The following DRGX variants were observed in gnomAD, a reference collection of about 807,000 sequenced individuals.
DRGX encodes dorsal root ganglia homeobox protein.
A neutral mutation model predicts 28.6 loss-of-function variants in DRGX; 21 were observed. The observed-to-expected ratio is 0.73, with a 90% CI of 0.52 to 1.06. The LOEUF is 1.06. DRGX is among the 50% of genes least tolerant of loss of function. DRGX has a pLI of 0.00. For synonymous variants in DRGX, 136 were observed against 139.1 expected (o/e 0.98, Z 0.16); for missense variants, 354 against 343.9 (o/e 1.03, Z -0.23).
Position 49,390,193 on chromosome 10 carries a change from T to C in DRGX, c.174A>G (p.Pro58=). ...CGAGCTCTTCTCTGGTGAAGACATCTGGATAGTGTGTTTGGGCAAAAACGG... is the reference window on the plus strand; with the variant it reads ...CGAGCTCTTCTCTGGTGAAGACATCCGGATAGTGTGTTTGGGCAAAAACGG... ...LEAVFAQTHY[P]DVFTREELAM... is the part of the protein sequence containing the mutation. Residue 58 remains proline (P), a synonymous_variant, in exon 4 of 7, where the codon CCA becomes CCG. Coordinates refer to ENST00000374139, the MANE Select transcript of DRGX (RefSeq NM_001276451.2). 6.2e-7 allele frequency: 1 copy of C among 1,613,186 alleles called. No homozygotes were observed. Among genetic ancestry groups the C allele is most frequent in the Non-Finnish European group, 8.5e-7 (1 of 1,179,600 alleles).
At chr10:49,395,314 G>T (rs1849955149) in intron 2 of DRGX, 93 bp downstream of exon 2, 2 of 1,488,832 alleles carry the variant, frequency 1.3e-6, no homozygotes, top group South Asian at 1.2e-5. Context: ...CCCGCAGGGC[G>T]GGGACCCAGC....
intron 6 of DRGX, among the ~76,000 whole-genome samples, chr10:49,379,883 G>A: frequency 6.6e-6 from 1 of 152,238 alleles, no homozygotes; most frequent in East Asian, 1.9e-4. Flanking sequence ...GATGGGGCCA[G>A]ACTCCAGCCT....
intron 3 of DRGX, among the ~76,000 whole-genome samples, 179 bp downstream of exon 3, chr10:49,390,985 C>A (rs1392829298): frequency 6.6e-6 from 1 of 152,126 alleles, no homozygotes; most frequent in Non-Finnish European, 1.5e-5. Context: ...ACAAGGTTAG[C>A]GTCATCTGCA....
intron 6 of DRGX, among the ~76,000 whole-genome samples, chr10:49,376,330 G>A (rs1028490787): frequency 1.1e-4 from 16 of 152,288 alleles, no homozygotes; most frequent in African/African-American, 3.8e-4. Flanking sequence ...CATGAGGAAC[G>A]ACCACTTCTG....
chr10:49,386,454 C>A (rs751049230), intron 6 of DRGX, 24 bp downstream of exon 6: 7 of 1,511,588 alleles, frequency 4.6e-6, no homozygotes, highest in Non-Finnish European at 6.2e-6. Context: ...CCACGCCCAC[C>A]AGCCCAGCCG....
intron 6 of DRGX, among the ~76,000 whole-genome samples, chr10:49,377,503 T>C (rs1191642634): frequency 1.3e-5 from 2 of 152,178 alleles, no homozygotes; most frequent in Non-Finnish European, 2.9e-5. Context: ...CTTTAATCAA[T>C]AGGATGCAGC....
At position 49,386,517 on chromosome 10, in the gene DRGX, T is replaced by C; in HGVS notation, c.487A>G (p.Thr163Ala). The change falls in exon 6 of 7, where the codon ACC becomes GCC. Residue 163 changes from threonine (T) to alanine (A), a missense_variant. Coordinates refer to ENST00000374139, the MANE Select transcript of DRGX (RefSeq NM_001276451.2). ...ACATGGGACAAGGCCTGGGCGTAGG[T>C]GGCCGTGTTCAGGAGAGTCCCCGGC... ...CLPGTLLNTA[T>A]YAQALSHVAS... The C allele has an allele frequency of 1.3e-6, 2 of 1,587,936 alleles. No homozygotes were observed. Among genetic ancestry groups the C allele is most frequent in the Non-Finnish European group, 1.7e-6 (2 of 1,167,262 alleles).
At chr10:49,371,252 A>T (rs755847376) in intron 6 of DRGX, among the ~76,000 whole-genome samples, 9 of 152,244 alleles carry the variant, frequency 5.9e-5, no homozygotes, top group Non-Finnish European at 1.2e-4. Context: ...AACTTGAAAT[A>T]ACATGATGGA....
chr10:49,392,128 T>C (rs558810745), intron 2 of DRGX, among the ~76,000 whole-genome samples: 2 of 152,380 alleles, frequency 1.3e-5, no homozygotes, highest in African/African-American at 4.8e-5. Context: ...ATTTACTTGA[T>C]AGTCCACAAT....
intron 6 of DRGX, among the ~76,000 whole-genome samples, chr10:49,378,961 G>C (rs538865167): frequency 6.6e-6 from 1 of 152,266 alleles, no homozygotes; most frequent in East Asian, 1.9e-4. Flanking sequence ...ACTATAGATT[G>C]AGCCTCCCAA....
Position 49,387,474 on chromosome 10 carries a change from C to A in DRGX, c.235-616G>T, listed in dbSNP as rs6537534. On this transcript the variant is annotated intron_variant, in intron 4 of 6. Coordinates refer to ENST00000374139, the MANE Select transcript of DRGX (RefSeq NM_001276451.2). ...GGGAGTTTGAGACCAGCCTGGCCAA[C>A]ATGATGAAACCCCATCTCTTTTTGT... Among the ~76,000 whole-genome samples, 338 of 152,194 alleles carry A rather than the reference C, an allele frequency of 2.2e-3. 1 individual carries two copies. The highest frequency in any genetic ancestry group is 7.6e-3 in the African/African-American group (317 of 41,510).
At chr10:49,373,633 A>G (rs1368132332) in intron 6 of DRGX, among the ~76,000 whole-genome samples, 1 of 152,332 alleles carries the variant, frequency 6.6e-6, no homozygotes, top group East Asian at 1.9e-4. Flanking sequence ...GCAACAAGAT[A>G]CCATCTATGA....
At position 49,366,336 on chromosome 10, in the gene DRGX, G is replaced by A. The variant is rs749937635; in HGVS notation, c.572C>T (p.Ser191Phe). The A allele has an allele frequency of 1.2e-6, 2 of 1,613,900 alleles. No homozygotes were observed. Among genetic ancestry groups the A allele is most frequent in the Non-Finnish European group, 1.7e-6 (2 of 1,179,820 alleles). The change falls in exon 7 of 7, where the codon TCC becomes TTC. Residue 191 changes from serine to phenylalanine, a missense_variant. Transcript: ENST00000374139. Reference sequence around the variant, plus strand: ...CTGGCAGCCATAGGTGGGAAGGAAGGAGAGTCCCATGGGGTCTGGGACGCA... The same window carrying A: ...CTGGCAGCCATAGGTGGGAAGGAAGAAGAGTCCCATGGGGTCTGGGACGCA... ...SCCVPDPMGL[S>F]FLPTYGCQSN...
chr10:49,369,774 AT>A (rs200767007), intron 6 of DRGX, among the ~76,000 whole-genome samples: 3,153 of 138,534 alleles, frequency 0.023, 80 homozygotes, highest in African/African-American at 0.078. Context: ...AGAAAATAAG[AT>A]TTTTTTTTTT....
intron 2 of DRGX, among the ~76,000 whole-genome samples, chr10:49,394,167 A>G (rs949673984): frequency 4.6e-5 from 7 of 152,142 alleles, no homozygotes; most frequent in African/African-American, 1.7e-4. Context: ...AATGCAGGCA[A>G]ATGTGTGGCC....
chr10:49,377,976 A>G (rs1269900050), intron 6 of DRGX, among the ~76,000 whole-genome samples: 1 of 152,204 alleles, frequency 6.6e-6, no homozygotes, highest in Non-Finnish European at 1.5e-5. Context: ...ACATTAGCAA[A>G]CCAAATTCAG....
chr10:49,392,755 C>G (rs536454016), intron 2 of DRGX, among the ~76,000 whole-genome samples: 1 of 151,966 alleles, frequency 6.6e-6, no homozygotes, highest in Non-Finnish European at 1.5e-5. Context: ...GATTGACAAC[C>G]TAATAGAAAA....
chr10:49,391,137 G>A (rs1199536454), intron 3 of DRGX, 27 bp downstream of exon 3: 1 of 1,611,148 alleles, frequency 6.2e-7, no homozygotes, highest in Admixed American at 1.7e-5. Context: ...AGTAGCTGAT[G>A]TTTGAAAGGA....
intron 4 of DRGX, among the ~76,000 whole-genome samples, chr10:49,387,602 G>T (rs1379941157): frequency 6.6e-6 from 1 of 150,678 alleles, no homozygotes; most frequent in Middle Eastern, 3.4e-3. Context: ...GGTAGAGGTC[G>T]CAGTGAGCCG....
Sources: allele counts gnomAD v4.1 joint callset (sites outside exome capture counted in the v4.1 genomes callset), GRCh38; gene constraint gnomAD v4.1.1; transcripts MANE v1.5; gene names NCBI Gene and HGNC (gene_info 2026-07-23, HGNC 2026-07-21).